HPD: variants seen among roughly 807,000 people sequenced by gnomAD.
HPD encodes the protein 4-hydroxyphenylpyruvic acid oxidase.
In HPD, 35 loss-of-function variants were observed where a neutral mutation model predicts 56.9. The observed-to-expected ratio is 0.62, with a 90% confidence interval of 0.47 to 0.82. HPD has a LOEUF of 0.82. Ranked by LOEUF, HPD falls within the 40% of genes least tolerant of loss-of-function variation. HPD has a pLI of 0.00. For missense variants in HPD, 442 were observed against 506.8 expected (o/e 0.87, Z 1.23); for synonymous variants, 186 against 200.2 (o/e 0.93, Z 0.60).
At chr12:121,854,075 C>A (rs564120348) in intron 7 of HPD, among the ~76,000 whole-genome samples, 114 of 152,176 alleles carry the variant, frequency 7.5e-4, no homozygotes, top group African/African-American at 2.7e-3. Flanking sequence ...CGGTGAAACC[C>A]CATCTCTACT....
intron 9 of HPD, among the ~76,000 whole-genome samples, chr12:121,847,802 G>T (rs990428376): frequency 6.6e-6 from 1 of 152,122 alleles, no homozygotes; most frequent in Non-Finnish European, 1.5e-5. Context: ...CTCCCAAAGT[G>T]CTGGGATTAC....
the HPD span, among the ~76,000 whole-genome samples, chr12:121,873,390 G>A: frequency 2.6e-5 from 4 of 152,172 alleles, no homozygotes; most frequent in African/African-American, 7.2e-5. Context: ...CAGCCCAATG[G>A]GGGTGACTCT....
chr12:121,869,078 G>T, the HPD span, among the ~76,000 whole-genome samples: 2 of 152,056 alleles, frequency 1.3e-5, no homozygotes, highest in Admixed American at 6.6e-5. Flanking sequence ...TTTTGGCTGG[G>T]TGTGGTGGCT....
At chr12:121,871,703 G>A in the HPD span, among the ~76,000 whole-genome samples, 2 of 152,132 alleles carry the variant, frequency 1.3e-5, no homozygotes, top group Non-Finnish European at 2.9e-5. Context: ...GTATCACCAG[G>A]CACCAGTGAT....
the HPD span, among the ~76,000 whole-genome samples, chr12:121,883,235 T>TGTGTGG: frequency 8.9e-6 from 1 of 112,672 alleles, no homozygotes; most frequent in African/African-American, 3.4e-5. Flanking sequence ...TGTGTGTGTG[T>TGTGTGG]GGTGGGGTAC....
chr12:121,869,457 G>T, the HPD span, among the ~76,000 whole-genome samples: 5 of 151,578 alleles, frequency 3.3e-5, no homozygotes, highest in Non-Finnish European at 7.4e-5. Context: ...AAAGTACTGG[G>T]ATTATAGTCA....
chr12:121,883,493 C>CA, the HPD span, among the ~76,000 whole-genome samples: 4 of 151,672 alleles, frequency 2.6e-5, no homozygotes, highest in African/African-American at 9.7e-5. Flanking sequence ...AAGGCAGTCA[C>CA]AGGATAGAGG....
At chr12:121,868,335 T>TTTTTG (rs965688109), upstream of HPD, among the ~76,000 whole-genome samples, 9 of 152,028 alleles carry the variant, frequency 5.9e-5, no homozygotes, top group African/African-American at 1.2e-4. Flanking sequence ...TCCTCATCTT[T>TTTTTG]TTTTGTTTTG....
At chr12:121,873,912 G>A in the HPD span, among the ~76,000 whole-genome samples, 4 of 152,200 alleles carry the variant, frequency 2.6e-5, no homozygotes, top group South Asian at 8.3e-4. Context: ...CTGTCCAGGA[G>A]TTCAAGGCTG....
intron 11 of HPD, among the ~76,000 whole-genome samples, chr12:121,845,471 G>A (rs1041633033): frequency 7.2e-6 from 1 of 139,204 alleles, no homozygotes; most frequent in Non-Finnish European, 1.5e-5. Flanking sequence ...CGTGGTGGCG[G>A]GTGCCTGTAG....
intron 7 of HPD, among the ~76,000 whole-genome samples, chr12:121,853,178 G>T (rs1369391133): frequency 6.6e-6 from 1 of 152,118 alleles, no homozygotes; most frequent in South Asian, 2.1e-4. Context: ...CCTGTCAGGT[G>T]GGGGAGGTCG....
intron 9 of HPD, among the ~76,000 whole-genome samples, chr12:121,848,648 G>C (rs906053691): frequency 2.6e-5 from 4 of 151,496 alleles, no homozygotes; most frequent in African/African-American, 9.7e-5. Flanking sequence ...ACAAAATCTT[G>C]CTCTGTTTCC....
the HPD span, among the ~76,000 whole-genome samples, chr12:121,876,314 T>C: frequency 7.7e-6 from 1 of 129,734 alleles, no homozygotes; most frequent in Admixed American, 7.3e-5. Context: ...GTCTAAAAAA[T>C]AATAATAATA....
chr12:121,872,908 G>A, the HPD span, among the ~76,000 whole-genome samples: 2 of 152,092 alleles, frequency 1.3e-5, no homozygotes. Flanking sequence ...GCAGAAACAA[G>A]CTCCTGGATG....
At chr12:121,874,989 A>G in the HPD span, among the ~76,000 whole-genome samples, 1 of 152,060 alleles carries the variant, frequency 6.6e-6, no homozygotes, top group Non-Finnish European at 1.5e-5. Flanking sequence ...CGAACTCCCA[A>G]CCTCAGGTGA....
At chr12:121,868,407 G>T (rs553193424), upstream of HPD, among the ~76,000 whole-genome samples, 1 of 151,584 alleles carries the variant, frequency 6.6e-6, no homozygotes, top group Admixed American at 6.6e-5. Flanking sequence ...GCAGTGGCGC[G>T]ATCTCGGCTC....
At chr12:121,853,621 CAAAAA>C (rs35131803) in intron 7 of HPD, among the ~76,000 whole-genome samples, 1 of 53,420 alleles carries the variant, frequency 1.9e-5, no homozygotes, top group African/African-American at 7.1e-5. Flanking sequence ...GACTCCATCT[CAAAAA>C]AAAAAAAAAA....
chr12:121,859,106 G>A (rs143892635), upstream of HPD: 1 of 522,976 alleles, frequency 1.9e-6, no homozygotes. Context: ...TTTCCAGGAC[G>A]CTGGGAATGT....
At chr12:121,858,541 G>C in intron 2 of HPD, 146 bp downstream of exon 2, 1 of 841,582 alleles carries the variant, frequency 1.2e-6, no homozygotes, top group Non-Finnish European at 2.0e-6. Flanking sequence ...GGGGAGCCCC[G>C]GGGGTAAAGC....
Sources: allele counts gnomAD v4.1 joint callset (sites outside exome capture counted in the v4.1 genomes callset), GRCh38; gene constraint gnomAD v4.1.1; transcripts MANE v1.5; gene names NCBI Gene and HGNC (gene_info 2026-07-23, HGNC 2026-07-21).